The following KCNQ3 variants were observed in gnomAD, a reference collection of about 807,000 sequenced individuals.
KCNQ3 encodes the protein potassium voltage-gated channel subfamily KQT member 3.
KCNQ3 carries 30 observed loss-of-function variants against 92.5 expected under a neutral mutation model. The observed-to-expected ratio is 0.32, with a 90% CI of 0.24 to 0.44. KCNQ3 has a LOEUF of 0.44. Among genes scored for constraint, KCNQ3 ranks in the 20% least tolerant of loss-of-function variants. KCNQ3 has a pLI of 1.00. For synonymous variants in KCNQ3, 450 were observed against 468.8 expected (o/e 0.96, Z 0.52); for missense variants, 913 against 1,140.3 (o/e 0.80, Z 2.87).
intron 1 of KCNQ3, among the ~76,000 whole-genome samples, chr8:132,279,853 CGTGTGTGT>C: frequency 6.6e-6 from 1 of 150,650 alleles, no homozygotes; most frequent in South Asian, 2.1e-4. Context: ...TGTATATATG[CGTGTGTGT>C]GTGTGTGTGT....
At chr8:132,376,727 G>C (rs1819619628) in intron 1 of KCNQ3, among the ~76,000 whole-genome samples, 1 of 152,142 alleles carries the variant, frequency 6.6e-6, no homozygotes, top group African/African-American at 2.4e-5. Flanking sequence ...TAGCATATTT[G>C]ATCTTCCCAG....
chr8:132,400,671 A>G (rs72721053), intron 1 of KCNQ3, among the ~76,000 whole-genome samples: 4,262 of 152,342 alleles, frequency 0.028, 77 homozygotes, highest in Non-Finnish European at 0.045. Flanking sequence ...TCATTTCTGT[A>G]AGGAAAACAA....
intron 7 of KCNQ3, among the ~76,000 whole-genome samples, chr8:132,172,284 T>A (rs1414826083): frequency 6.6e-6 from 1 of 152,014 alleles, no homozygotes; most frequent in African/African-American, 2.4e-5. Flanking sequence ...AGTGACAGGA[T>A]TGTCACCTTC....
At chr8:132,220,036 C>T (rs1814171843) in intron 1 of KCNQ3, among the ~76,000 whole-genome samples, 1 of 152,134 alleles carries the variant, frequency 6.6e-6, no homozygotes, top group South Asian at 2.1e-4. Context: ...TCCATCGCAC[C>T]ATGCTTCTCA....
At chr8:132,307,620 G>C (rs1244679458) in intron 1 of KCNQ3, among the ~76,000 whole-genome samples, 1 of 152,174 alleles carries the variant, frequency 6.6e-6, no homozygotes, top group Non-Finnish European at 1.5e-5. Context: ...GTTCACTGCA[G>C]TATCCCCAGA....
rs1232406877 is a variant in KCNQ3 at position 132,127,756 on chromosome 8, CAA to C, written c.*1504_*1505del. The C allele has an allele frequency of 1.3e-5, 2 of 152,214 alleles. No homozygotes were observed. Among genetic ancestry groups the C allele is most frequent in the African/African-American group, 2.4e-5 (1 of 41,438 alleles). The allele number at this position is 152,214 out of a possible 1,614,324, so 9.4% of individuals were successfully genotyped here. On this transcript the variant is annotated 3_prime_UTR_variant, in exon 15 of 15. Coordinates refer to ENST00000388996, the MANE Select transcript of KCNQ3 (RefSeq NM_004519.4). ...TAAGCCTAACAGAAACCTTTTCCAT[CAA>C]AGTTTTTCAGAGAATAACAACATCT...
intron 1 of KCNQ3, among the ~76,000 whole-genome samples, chr8:132,460,734 T>A (rs1324775450): frequency 3.3e-5 from 5 of 152,208 alleles, no homozygotes; most frequent in Non-Finnish European, 7.3e-5. Flanking sequence ...ACCTCCTAAA[T>A]AATTTTTTAA....
chr8:132,216,994 A>G (rs1160727964), intron 1 of KCNQ3, among the ~76,000 whole-genome samples: 2 of 152,238 alleles, frequency 1.3e-5, no homozygotes, highest in Non-Finnish European at 2.9e-5. Context: ...TGTTAAAAAC[A>G]AAGGCAATAA....
intron 1 of KCNQ3, among the ~76,000 whole-genome samples, chr8:132,342,440 G>A (rs1374194326): frequency 6.6e-6 from 1 of 152,118 alleles, no homozygotes; most frequent in African/African-American, 2.4e-5. Context: ...TAAGGTAAAG[G>A]TGGCCAACAG....
At chr8:132,461,469 G>A (rs899694007) in intron 1 of KCNQ3, among the ~76,000 whole-genome samples, 1 of 152,174 alleles carries the variant, frequency 6.6e-6, no homozygotes, top group African/African-American at 2.4e-5. Context: ...GGAGGCTGAG[G>A]CAGGAGAATT....
In KCNQ3 at chr8:132,170,346, A is replaced by G. The variant is rs1289201242; in HGVS notation, c.1223T>C (p.Phe408Ser). Residue 408 changes from phenylalanine (F) to serine (S), a missense_variant, in exon 8 of 15, where the codon TTT becomes TCT. By Grantham distance (155) the Phe-to-Ser change is radical. Transcript: ENST00000388996. ...TWRFYESVVS[F>S]PFFRKEQLEA... Reference sequence around the variant, plus strand: ...AGTCCCCACTTGCCTGAAGAAAGGAAAAGAGACGACTGATTCATAAAATCT... The same window carrying G: ...AGTCCCCACTTGCCTGAAGAAAGGAGAAGAGACGACTGATTCATAAAATCT... The G allele has an allele frequency of 5.6e-6, 9 of 1,613,464 alleles. No individual in the cohort carries two copies. The highest frequency in any genetic ancestry group is 6.8e-6 in the Non-Finnish European group (8 of 1,179,650).
At chr8:132,465,457 C>T (rs537619831) in intron 1 of KCNQ3, among the ~76,000 whole-genome samples, 100 of 152,040 alleles carry the variant, frequency 6.6e-4, no homozygotes, top group Middle Eastern at 3.4e-3. Flanking sequence ...CTGGGTATGG[C>T]GGCTCATGCC....
At chr8:132,151,066 T>G (rs994809291) in intron 9 of KCNQ3, among the ~76,000 whole-genome samples, 1 of 152,228 alleles carries the variant, frequency 6.6e-6, no homozygotes, top group East Asian at 1.9e-4. Flanking sequence ...AGATCCTAGG[T>G]TGGCTAAATG....
chr8:132,186,923 T>TGAGAGAGAGA (rs1826974882), intron 1 of KCNQ3, among the ~76,000 whole-genome samples: 1 of 96,042 alleles, frequency 1.0e-5, no homozygotes, highest in African/African-American at 4.5e-5. Flanking sequence ...TGTGTGTGTG[T>TGAGAGAGAGA]GTGTGTGTGT....
At chr8:132,422,013 G>A (rs58991711) in intron 1 of KCNQ3, among the ~76,000 whole-genome samples, 2,087 of 152,162 alleles carry the variant, frequency 0.014, 35 homozygotes, top group African/African-American at 0.048. Flanking sequence ...AAGAGAGAAA[G>A]GTTATACCCT....
In KCNQ3 at chr8:132,439,703, G is replaced by A. The variant is rs191520174; in HGVS notation, c.386+40444C>T. The stretch of plus-strand genomic sequence containing the variant: ...ATGATGGTAGAAGGAGCCATGAGCT[G>A]AGGAATGCAGGTAGCCTCAAAAGCT... On this transcript the variant is annotated intron_variant, in intron 1 of 14. Coordinates refer to ENST00000388996, the MANE Select transcript of KCNQ3 (RefSeq NM_004519.4). 2.5e-3 allele frequency among the ~76,000 whole-genome samples: 380 copies of A among 152,258 alleles called. 5 individuals are homozygous for A. Among genetic ancestry groups the A allele is most frequent in the Non-Finnish European group, 2.5e-3 (170 of 68,026 alleles).
chr8:132,175,928 T>C (rs1259105450), intron 4 of KCNQ3, among the ~76,000 whole-genome samples: 1 of 152,154 alleles, frequency 6.6e-6, no homozygotes. Flanking sequence ...CTTCTTCTAA[T>C]ACAAGGCTCA....
chr8:132,164,083 C>A (rs533018938), intron 8 of KCNQ3, among the ~76,000 whole-genome samples: 8 of 152,110 alleles, frequency 5.3e-5, no homozygotes, highest in Admixed American at 2.0e-4. Flanking sequence ...TCACTCCTAA[C>A]TGGGAGGTGC....
chr8:132,442,966 GCCCCAGAGACAGGCT>G (rs2130840176), intron 1 of KCNQ3, among the ~76,000 whole-genome samples: 1 of 152,214 alleles, frequency 6.6e-6, no homozygotes, highest in East Asian at 1.9e-4. Context: ...CCCTATCTCA[GCCCCAGAGACAGGCT>G]CCTGAGGCCG....
Sources: allele counts gnomAD v4.1 joint callset (sites outside exome capture counted in the v4.1 genomes callset), GRCh38; gene constraint gnomAD v4.1.1; transcripts MANE v1.5; gene names NCBI Gene and HGNC (gene_info 2026-07-23, HGNC 2026-07-21).